TMEM260: variants seen among roughly 807,000 people sequenced by gnomAD.
TMEM260 encodes the protein protein O-mannosyl-transferase TMEM260.
TMEM260 carries 82 observed loss-of-function variants against 88.9 expected under a neutral mutation model. The observed-to-expected ratio is 0.92, with a 90% confidence interval of 0.77 to 1.11. The LOEUF is 1.11. Ranked by LOEUF, TMEM260 falls within the 50% of genes least tolerant of loss-of-function variation. The pLI is 0.00. For synonymous variants in TMEM260, 314 were observed against 309.3 expected (o/e 1.02, Z -0.16); for missense variants, 902 against 853.4 (o/e 1.06, Z -0.71).
intron 3 of TMEM260, 140 bp downstream of exon 3, chr14:56,586,052 CT>C: frequency 1.1e-6 from 1 of 915,514 alleles, no homozygotes; most frequent in Non-Finnish European, 1.6e-6. Context: ...ATTTATAATA[CT>C]TTCATATGCA....
intron 5 of TMEM260, 74 bp downstream of exon 5, chr14:56,605,757 A>G: frequency 1.1e-6 from 1 of 892,104 alleles, no homozygotes; most frequent in Non-Finnish European, 1.7e-6. Context: ...GTCATGAGAA[A>G]ATTTCAGGCT....
At chr14:56,618,152 G>A (rs546645288) in intron 9 of TMEM260, among the ~76,000 whole-genome samples, 1 of 152,110 alleles carries the variant, frequency 6.6e-6, no homozygotes, top group South Asian at 2.1e-4. Flanking sequence ...AAAAGGGAGG[G>A]CGCTGCAGGC....
chr14:56,639,129 A>AT (rs1889363729), intron 15 of TMEM260, among the ~76,000 whole-genome samples: 1 of 152,152 alleles, frequency 6.6e-6, no homozygotes, highest in African/African-American at 2.4e-5. Context: ...GTTGGCATCT[A>AT]TTTTGGACTT....
chr14:56,608,275 T>C (rs188852087), intron 5 of TMEM260, among the ~76,000 whole-genome samples: 101 of 152,312 alleles, frequency 6.6e-4, no homozygotes, highest in Non-Finnish European at 1.2e-3. Flanking sequence ...AAAGGAAAAA[T>C]TGGCAATTTC....
At chr14:56,589,867 A>G (rs1885742401) in intron 3 of TMEM260, among the ~76,000 whole-genome samples, 1 of 152,234 alleles carries the variant, frequency 6.6e-6, no homozygotes, top group South Asian at 2.1e-4. Context: ...TCCATTCAAT[A>G]AAGAATAGAA....
At chr14:56,606,389 A>C (rs1594837108) in intron 5 of TMEM260, among the ~76,000 whole-genome samples, 1 of 151,976 alleles carries the variant, frequency 6.6e-6, no homozygotes. Flanking sequence ...TTATCCTTTT[A>C]TTATTTGTTC....
At chr14:56,659,838 T>C in the TMEM260 span, among the ~76,000 whole-genome samples, 7 of 152,182 alleles carry the variant, frequency 4.6e-5, no homozygotes, top group African/African-American at 1.4e-4. Context: ...TAATTATTCT[T>C]AGAAGATGTG....
intron 3 of TMEM260, among the ~76,000 whole-genome samples, chr14:56,591,661 T>G (rs1304382873): frequency 6.6e-6 from 1 of 152,200 alleles, no homozygotes; most frequent in African/African-American, 2.4e-5. Flanking sequence ...TTTTATATGT[T>G]TTTATACATT....
chr14:56,623,529 C>T (rs1888060308), intron 11 of TMEM260, among the ~76,000 whole-genome samples: 1 of 152,142 alleles, frequency 6.6e-6, no homozygotes, highest in African/African-American at 2.4e-5. Context: ...AATGACTAGA[C>T]TGAGAACATT....
rs1197147189 is a variant in TMEM260 at position 56,621,215 on chromosome 14, TTA to T, written c.1227-315_1227-314del. On this transcript the variant is annotated intron_variant, in intron 10 of 15. Transcript: ENST00000261556. Reference sequence around the variant, plus strand: ...TAAACTCCAAGTGGAATCAGAAATCTTACTTTCTAAAAATAAAATTGGATTGC... The same window carrying T: ...TAAACTCCAAGTGGAATCAGAAATCTCTTTCTAAAAATAAAATTGGATTGC... Among the ~76,000 whole-genome samples the T allele has an allele frequency of 2.0e-4, 31 of 152,260 alleles. No homozygotes were observed. In the East Asian group the frequency reaches 5.4e-3, roughly 27 times the overall value.
intron 12 of TMEM260, among the ~76,000 whole-genome samples, chr14:56,627,056 T>C (rs1888285637): frequency 6.6e-6 from 1 of 152,146 alleles, no homozygotes; most frequent in Non-Finnish European, 1.5e-5. Context: ...AATATTCTCA[T>C]AAGACGCATA....
chr14:56,650,221 G>T, downstream of TMEM260: 1 of 377,364 alleles, frequency 2.6e-6, no homozygotes, highest in Non-Finnish European at 5.2e-6. Context: ...AGGAAGACAG[G>T]AACCCCACAA....
At chr14:56,651,849 CATT>C (rs1446520149), downstream of TMEM260, among the ~76,000 whole-genome samples, 2 of 152,178 alleles carry the variant, frequency 1.3e-5, no homozygotes, top group Admixed American at 6.5e-5. Context: ...ATTTTTTAAT[CATT>C]AAGTTCATAA....
intron 1 of TMEM260, 130 bp downstream of exon 1, chr14:56,580,204 C>G (rs1885028332): frequency 1.4e-6 from 1 of 693,636 alleles, no homozygotes; most frequent in African/African-American, 1.8e-5. Flanking sequence ...CCCCTGTGCA[C>G]AGCGCACTAT....
Position 56,579,865 on chromosome 14 carries a change from A to T in TMEM260, c.-50A>T. The T allele has an allele frequency of 3.3e-6, 4 of 1,230,046 alleles. No homozygotes were observed. The highest frequency in any genetic ancestry group is 4.1e-6 in the Non-Finnish European group (4 of 986,590). 76.2% of individuals were successfully genotyped at this position (1,230,046 alleles called of 1,614,324 possible). ...TCTCGGCTGGGGAGCTCCGTGTCGC[A>T]CCGGGTTCTTGGGCTGGCCGTGTCC... On this transcript the variant is annotated 5_prime_UTR_variant, in exon 1 of 16. Transcript: ENST00000261556.
At chr14:56,598,779 G>A (rs937125228) in intron 3 of TMEM260, among the ~76,000 whole-genome samples, 4 of 152,170 alleles carry the variant, frequency 2.6e-5, no homozygotes, top group Admixed American at 6.5e-5. Context: ...TTAGTAGCAT[G>A]CATGTGAAGC....
chr14:56,609,624 C>T (rs1887126895), intron 6 of TMEM260, among the ~76,000 whole-genome samples: 2 of 151,680 alleles, frequency 1.3e-5, no homozygotes, highest in Admixed American at 1.3e-4. Flanking sequence ...TGGAAAAGAT[C>T]GAAGGAAAAA....
chr14:56,587,947 G>A (rs1165200575), intron 3 of TMEM260, among the ~76,000 whole-genome samples: 1 of 151,978 alleles, frequency 6.6e-6, no homozygotes, highest in Non-Finnish European at 1.5e-5. Context: ...TGTATGACCT[G>A]AACTTAACCT....
chr14:56,661,222 A>AG, the TMEM260 span, among the ~76,000 whole-genome samples: 1,055 of 151,748 alleles, frequency 7.0e-3, 10 homozygotes, highest in South Asian at 0.025. Context: ...GGTGGTCGCC[A>AG]CCCCTCCTCC....
Sources: gnomAD v4.1 joint callset for allele counts (sites outside exome capture counted in the v4.1 genomes callset) on GRCh38, gnomAD v4.1.1 for gene constraint, MANE v1.5 for transcripts, NCBI Gene and HGNC (gene_info 2026-07-23, HGNC 2026-07-21) for gene names.